GALNT13: variants seen among roughly 807,000 people sequenced by gnomAD.
GALNT13 encodes UDP-GalNAc:polypeptide N-acetylgalactosaminyltransferase 13.
GALNT13 carries 28 observed loss-of-function variants against 64.2 expected under a neutral mutation model. The observed-to-expected ratio is 0.44, with a 90% CI of 0.32 to 0.60. The LOEUF (loss-of-function observed/expected upper bound fraction) is 0.60. Among genes scored for constraint, GALNT13 ranks in the 20% least tolerant of loss-of-function variants. GALNT13 has a pLI of 0.05. For synonymous variants in GALNT13, 214 were observed against 224.6 expected (o/e 0.95, Z 0.42); for missense variants, 577 against 669.8 (o/e 0.86, Z 1.53).
intron 8 of GALNT13, among the ~76,000 whole-genome samples, chr2:154,282,468 A>G (rs1219101541): frequency 9.9e-5 from 15 of 152,178 alleles, no homozygotes; most frequent in Admixed American, 9.8e-4. Context: ...GATCTCTACA[A>G]GTGGTTTGTG....
intron 8 of GALNT13, chr2:154,287,263 C>A: frequency 1.2e-6 from 1 of 825,372 alleles, no homozygotes; most frequent in Non-Finnish European, 2.1e-6. Context: ...ACGGCAACTC[C>A]AAGACAGCAG....
the GALNT13 span, among the ~76,000 whole-genome samples, chr2:153,525,534 T>C: frequency 5.9e-5 from 9 of 152,200 alleles, no homozygotes; most frequent in Non-Finnish European, 1.0e-4. Context: ...CTCTACCTCC[T>C]GTCATATCAG....
intron 3 of GALNT13, among the ~76,000 whole-genome samples, chr2:154,029,888 C>A (rs1698231663): frequency 6.6e-6 from 1 of 152,104 alleles, no homozygotes; most frequent in African/African-American, 2.4e-5. Flanking sequence ...AATACTAGAA[C>A]TGAAAAACAT....
chr2:153,226,282 A>C, the GALNT13 span, among the ~76,000 whole-genome samples: 2 of 152,208 alleles, frequency 1.3e-5, no homozygotes, highest in African/African-American at 4.8e-5. Context: ...GTTTATACAG[A>C]AAAGCAAAAG....
At chr2:154,157,144 C>G (rs541830586) in intron 4 of GALNT13, among the ~76,000 whole-genome samples, 1 of 152,218 alleles carries the variant, frequency 6.6e-6, no homozygotes, top group East Asian at 1.9e-4. Context: ...CCCTCATTCT[C>G]ATTATCTTAC....
rs80033762 is a variant in GALNT13, at chr2:154,195,169, A to G, written c.312-46861A>G. On this transcript the variant is annotated intron_variant, in intron 4 of 12. Transcript: ENST00000392825. ...TCTTCAGCCCATCCCACTTGAGAAT[A>G]AATACATCATCTTAAAGATGACTAT... Among the ~76,000 whole-genome samples, 859 of 152,214 alleles carry G rather than the reference A, an allele frequency of 5.6e-3. 8 individuals are homozygous for G. Among genetic ancestry groups the G allele is most frequent in the African/African-American group, 0.019 (774 of 41,522 alleles).
At chr2:153,681,433 A>G in the GALNT13 span, among the ~76,000 whole-genome samples, 1 of 151,840 alleles carries the variant, frequency 6.6e-6, no homozygotes, top group South Asian at 2.1e-4. Flanking sequence ...TTAATATTTA[A>G]TACCCATTTT....
chr2:154,341,361 G>T (rs968168900), intron 9 of GALNT13, among the ~76,000 whole-genome samples: 2 of 152,008 alleles, frequency 1.3e-5, no homozygotes, highest in African/African-American at 2.4e-5. Context: ...TCGCTAAAAT[G>T]TGCAATATAC....
chr2:153,825,000 T>G, the GALNT13 span, among the ~76,000 whole-genome samples: 1 of 152,208 alleles, frequency 6.6e-6, no homozygotes, highest in Non-Finnish European at 1.5e-5. Flanking sequence ...ACCCAGTTCT[T>G]TTCTTTATAA....
chr2:154,130,102 T>C (rs973881321), intron 3 of GALNT13, among the ~76,000 whole-genome samples: 1 of 152,116 alleles, frequency 6.6e-6, no homozygotes, highest in Non-Finnish European at 1.5e-5. Flanking sequence ...GAATTCTTAT[T>C]TAATCTAAGC....
chr2:153,433,228 T>A, the GALNT13 span, among the ~76,000 whole-genome samples: 1 of 152,202 alleles, frequency 6.6e-6, no homozygotes, highest in Non-Finnish European at 1.5e-5. Context: ...CAGGATTCAA[T>A]CTTGCTACCC....
intron 9 of GALNT13, among the ~76,000 whole-genome samples, chr2:154,312,299 T>C (rs1408968209): frequency 1.3e-5 from 2 of 152,214 alleles, no homozygotes; most frequent in African/African-American, 4.8e-5. Context: ...CCGTTTGGGG[T>C]CCCTGACTTC....
At chr2:153,433,990 C>A in the GALNT13 span, among the ~76,000 whole-genome samples, 1 of 152,198 alleles carries the variant, frequency 6.6e-6, no homozygotes, top group South Asian at 2.1e-4. Context: ...TCCCCCCACC[C>A]CACAACAGTC....
chr2:153,624,056 A>T, the GALNT13 span, among the ~76,000 whole-genome samples: 1 of 152,092 alleles, frequency 6.6e-6, no homozygotes, highest in Non-Finnish European at 1.5e-5. Context: ...GATGGTGTAG[A>T]GAGTGGGTGA....
chr2:153,915,589 T>G (rs547953093), intron 2 of GALNT13, among the ~76,000 whole-genome samples: 1 of 152,308 alleles, frequency 6.6e-6, no homozygotes, highest in East Asian at 1.9e-4. Context: ...TTTGTTCATC[T>G]CTTTGCCTGG....
intron 3 of GALNT13, among the ~76,000 whole-genome samples, chr2:153,993,667 G>C (rs1464824546): frequency 7.5e-6 from 1 of 133,476 alleles, no homozygotes; most frequent in Admixed American, 8.2e-5. Context: ...CTGTACTTCA[G>C]CCTGGGCGAC....
chr2:153,401,876 A>C, the GALNT13 span, among the ~76,000 whole-genome samples: 1 of 152,092 alleles, frequency 6.6e-6, no homozygotes, highest in African/African-American at 2.4e-5. Flanking sequence ...TTGACTTTTT[A>C]ATCCAATTTG....
the GALNT13 span, among the ~76,000 whole-genome samples, chr2:153,611,869 C>T: frequency 5.3e-5 from 8 of 151,444 alleles, no homozygotes; most frequent in African/African-American, 1.9e-4. Flanking sequence ...CCCCCACCCC[C>T]CAACAGTCCC....
chr2:154,306,618 T>TAG (rs1553512828), intron 9 of GALNT13, among the ~76,000 whole-genome samples: 3 of 126,408 alleles, frequency 2.4e-5, no homozygotes, highest in African/African-American at 8.6e-5. Flanking sequence ...GATAATTTGG[T>TAG]GGGGGGGGGG....
Sources: gnomAD v4.1 joint callset for allele counts (sites outside exome capture counted in the v4.1 genomes callset) on GRCh38, gnomAD v4.1.1 for gene constraint, MANE v1.5 for transcripts, NCBI Gene and HGNC (gene_info 2026-07-23, HGNC 2026-07-21) for gene names.